The following LRRC4C variants were observed in gnomAD, a reference collection of about 807,000 sequenced individuals.
LRRC4C encodes the protein leucine rich repeat containing 4C.
A neutral mutation model predicts 33.6 loss-of-function variants in LRRC4C; 5 were observed. That is an observed-to-expected ratio of 0.15 (90% CI 0.08 to 0.31). The LOEUF is 0.31. LRRC4C is among the 10% of genes least tolerant of loss of function. The pLI is 1.00. For missense variants in LRRC4C, 560 were observed against 796.7 expected, an observed-to-expected ratio of 0.70 and a Z score of 3.58; for synonymous variants, 329 against 302.0, an observed-to-expected ratio of 1.09 and a Z score of -0.93.
rs576577298 is a variant in LRRC4C, at chr11:40,326,740, G to T, written c.-269-7019C>A. On this transcript the variant is annotated intron_variant, in intron 3 of 6. Transcript: ENST00000528697. ...CAGAAATCAAACAATGCAGGAACTTGCAGCTCCTGTCAGTATTGTTGGATT... is the reference window on the plus strand; with the variant it reads ...CAGAAATCAAACAATGCAGGAACTTTCAGCTCCTGTCAGTATTGTTGGATT... Among the ~76,000 whole-genome samples the T allele has an allele frequency of 1.1e-4, 16 of 152,268 alleles. No homozygotes were observed. In the East Asian group the frequency reaches 2.9e-3, roughly 28 times the overall value.
intron 3 of LRRC4C, among the ~76,000 whole-genome samples, chr11:40,343,931 C>T (rs957307272): frequency 4.6e-5 from 7 of 151,950 alleles, no homozygotes; most frequent in East Asian, 1.9e-4. Context: ...AGACATACAA[C>T]ATTTGAAGAC....
At chr11:41,123,947 A>G (rs1396434528) in intron 1 of LRRC4C, among the ~76,000 whole-genome samples, 3 of 152,208 alleles carry the variant, frequency 2.0e-5, no homozygotes, top group Non-Finnish European at 2.9e-5. Context: ...ACATTGTTTC[A>G]GTGAACTATT....
chr11:41,286,812 AAGGAGGAGG>A lies in LRRC4C; in HGVS notation c.-496+172610_-496+172618del, dbSNP rs562503459. ...AAGCAGAAGAGGAGGAAGAGGAGGCAAGGAGGAGGAGGAGAAGGATAAGAAAAAGGAGAA... is the reference window on the plus strand; with the variant it reads ...AAGCAGAAGAGGAGGAAGAGGAGGCAAGGAGAAGGATAAGAAAAAGGAGAA... On this transcript the variant is annotated intron_variant, in intron 1 of 6. Coordinates refer to ENST00000528697, the MANE Select transcript of LRRC4C (RefSeq NM_001258419.2). Among the ~76,000 whole-genome samples, 75 of 152,148 alleles carry A rather than the reference AAGGAGGAGG, an allele frequency of 4.9e-4. 6 individuals carry two copies. The South Asian group carries it at 0.015, about 30-fold the overall frequency.
At chr11:41,049,970 G>C (rs1419536858) in intron 1 of LRRC4C, among the ~76,000 whole-genome samples, 1 of 152,134 alleles carries the variant, frequency 6.6e-6, no homozygotes, top group East Asian at 1.9e-4. Context: ...ACTCATAAGA[G>C]CATAATTAGC....
chr11:40,537,482 T>C (rs1956523889), intron 3 of LRRC4C, among the ~76,000 whole-genome samples: 2 of 152,202 alleles, frequency 1.3e-5, no homozygotes, highest in African/African-American at 4.8e-5. Context: ...ATAGAGATTG[T>C]AGGAGATAGT....
At chr11:41,231,780 T>C (rs1947809997) in intron 1 of LRRC4C, among the ~76,000 whole-genome samples, 1 of 151,754 alleles carries the variant, frequency 6.6e-6, no homozygotes, top group Non-Finnish European at 1.5e-5. Context: ...TATGTGTGTG[T>C]GTGTATATAT....
intron 5 of LRRC4C, among the ~76,000 whole-genome samples, chr11:40,196,681 A>C (rs185994894): frequency 1.2e-4 from 19 of 152,202 alleles, no homozygotes; most frequent in African/African-American, 4.6e-4. Context: ...AAGATTTTAC[A>C]AAAGTGTCTA....
At chr11:40,413,682 A>G (rs1344865189) in intron 3 of LRRC4C, among the ~76,000 whole-genome samples, 1 of 152,160 alleles carries the variant, frequency 6.6e-6, no homozygotes, top group Non-Finnish European at 1.5e-5. Context: ...ATTCTCTAAT[A>G]AATATGCAGA....
intron 1 of LRRC4C, among the ~76,000 whole-genome samples, chr11:41,147,670 A>G (rs541316908): frequency 2.0e-5 from 3 of 152,228 alleles, no homozygotes; most frequent in Non-Finnish European, 4.4e-5. Flanking sequence ...TTTTTTCACT[A>G]CCTAAACCTA....
chr11:40,560,066 C>A (rs76530393), intron 3 of LRRC4C, among the ~76,000 whole-genome samples: 1 of 152,248 alleles, frequency 6.6e-6, no homozygotes, highest in Non-Finnish European at 1.5e-5. Context: ...ATTTTAAGAT[C>A]TTTCCTCTAA....
intron 3 of LRRC4C, among the ~76,000 whole-genome samples, chr11:40,440,691 G>A (rs1951353503): frequency 1.3e-5 from 2 of 152,110 alleles, no homozygotes; most frequent in Admixed American, 6.6e-5. Context: ...AATAAATGGT[G>A]ATTATGTTAT....
chr11:41,398,983 T>G (rs1355272837), intron 1 of LRRC4C, among the ~76,000 whole-genome samples: 1 of 151,936 alleles, frequency 6.6e-6, no homozygotes, highest in Non-Finnish European at 1.5e-5. Flanking sequence ...TGAAAACAGA[T>G]GTACAAAATC....
At chr11:40,374,070 T>A (rs1338188439) in intron 3 of LRRC4C, among the ~76,000 whole-genome samples, 1 of 152,150 alleles carries the variant, frequency 6.6e-6, no homozygotes, top group Non-Finnish European at 1.5e-5. Context: ...ACTATTAAGA[T>A]TAAAAAGTTT....
chr11:41,014,896 C>T (rs557080546), intron 1 of LRRC4C, among the ~76,000 whole-genome samples: 146 of 152,214 alleles, frequency 9.6e-4, no homozygotes, highest in Non-Finnish European at 1.4e-3. Flanking sequence ...GATGTAGACA[C>T]GTAACTAGCA....
intron 2 of LRRC4C, among the ~76,000 whole-genome samples, chr11:40,762,757 T>G (rs1031520894): frequency 1.3e-5 from 2 of 151,964 alleles, no homozygotes; most frequent in African/African-American, 4.8e-5. Context: ...AAATATAAAT[T>G]TTTTTTAGTC....
chr11:40,810,028 C>A (rs1290606313), intron 2 of LRRC4C, among the ~76,000 whole-genome samples: 3 of 152,306 alleles, frequency 2.0e-5, no homozygotes, highest in South Asian at 2.1e-4. Context: ...TTCCTCACAG[C>A]AAATATTTTT....
chr11:40,707,958 G>C (rs181652810), intron 2 of LRRC4C, among the ~76,000 whole-genome samples: 1 of 152,160 alleles, frequency 6.6e-6, no homozygotes, highest in Non-Finnish European at 1.5e-5. Context: ...ATGTGTCCAA[G>C]AATTCATCCA....
intron 3 of LRRC4C, among the ~76,000 whole-genome samples, chr11:40,641,711 T>A (rs1459097193): frequency 1.3e-5 from 2 of 152,188 alleles, no homozygotes; most frequent in Admixed American, 6.5e-5. Context: ...TCATCAGGGT[T>A]TGTAGCATCA....
intron 1 of LRRC4C, among the ~76,000 whole-genome samples, chr11:41,332,443 G>T (rs1951324665): frequency 6.6e-6 from 1 of 152,094 alleles, no homozygotes; most frequent in South Asian, 2.1e-4. Flanking sequence ...AGGTAAGCAT[G>T]CCTTTGCCAC....
Sources: gnomAD v4.1 joint callset for allele counts (sites outside exome capture counted in the v4.1 genomes callset) on GRCh38, gnomAD v4.1.1 for gene constraint, MANE v1.5 for transcripts, NCBI Gene and HGNC (gene_info 2026-07-23, HGNC 2026-07-21) for gene names.